The following TTC21A variants were observed in gnomAD, a reference collection of about 807,000 sequenced individuals.
The protein encoded by TTC21A is tetratricopeptide repeat domain 21A.
A neutral mutation model predicts 156.4 loss-of-function variants in TTC21A; 128 were observed. The ratio of observed to expected loss-of-function variants is 0.82; its 90% CI spans 0.71 to 0.95. TTC21A has a LOEUF of 0.95. TTC21A is among the 40% of genes least tolerant of loss of function. The probability of loss-of-function intolerance (pLI) is 0.00; values close to 1 mark genes in which losing one functional copy is unlikely to be tolerated. For synonymous variants in TTC21A, 587 were observed against 617.1 expected, an observed-to-expected ratio of 0.95 and a Z score of 0.72; for missense variants, 1,435 against 1,602.3, an observed-to-expected ratio of 0.90 and a Z score of 1.78.
rs750019978 is a variant in TTC21A, at chr3:39,111,001, C to G, written c.419C>G (p.Ser140Cys). 3 of 1,611,252 alleles carry G rather than the reference C, an allele frequency of 1.9e-6. No individual in the cohort carries two copies. The highest frequency in any genetic ancestry group is 2.2e-5 in the South Asian group (2 of 90,964). Reference sequence around the variant, plus strand: ...TACATTGACCGCATGCTGAAGATTTCTAGAGGCTTCAGAGAGGTACTTACC... The same window carrying G: ...TACATTGACCGCATGCTGAAGATTTGTAGAGGCTTCAGAGAGGTACTTACC... ...KEYIDRMLKISRGFREAYVLR... is the reference protein window; with the variant it reads ...KEYIDRMLKICRGFREAYVLR... The change falls in exon 4 of 29, where the codon TCT (serine) becomes TGT (cysteine). Residue 140 changes from serine (S) to cysteine (C), a missense_variant. By Grantham distance (112) the Ser-to-Cys change is moderately radical. Coordinates refer to ENST00000683103, the MANE Select transcript of TTC21A (RefSeq NM_001366900.1).
Position 39,134,263 on chromosome 3 carries a change from G to T in TTC21A, c.2797G>T (p.Asp933Tyr). 2 of 1,614,028 alleles carry T rather than the reference G, an allele frequency of 1.2e-6. No homozygotes were observed. Among genetic ancestry groups the T allele is most frequent in the Non-Finnish European group, 1.7e-6 (2 of 1,179,966 alleles). ...GCTCTACCTGCTCCAGGGGCACCTG[G>T]ACCTGTGTGAGCAGCACTGTGCCAT... ...AQLYLLQGHL[D>Y]LCEQHCAILL... Residue 933 changes from aspartate (D) to tyrosine (Y), a missense_variant, in exon 21 of 29, where the codon GAC (aspartate) becomes TAC (tyrosine). Physicochemically the swap from Asp to Tyr is radical, Grantham distance 160. Transcript: ENST00000683103. The surrounding 1 kb of genome is among the most constrained non-coding windows in gnomAD (Gnocchi z 4.6).
Position 39,128,508 on chromosome 3 carries a change from C to T in TTC21A, c.1680+20C>T, listed in dbSNP as rs753917950. 1 of 1,613,750 alleles carries T rather than the reference C, an allele frequency of 6.2e-7. No individual in the cohort carries two copies. Among genetic ancestry groups the T allele is most frequent in the Non-Finnish European group, 8.5e-7 (1 of 1,179,810 alleles). On this transcript the variant is annotated intron_variant, in intron 13 of 28. Transcript: ENST00000683103. ...TTCCAGGTGGGTGCCCTCTCATCCT[C>T]TCAGCATCCCAAAGCCCAGCTAGCT...
At chr3:39,116,248 G>A (rs995503594) in intron 6 of TTC21A, among the ~76,000 whole-genome samples, 14 of 152,224 alleles carry the variant, frequency 9.2e-5, no homozygotes, top group African/African-American at 3.1e-4. Flanking sequence ...TTCCCTCACT[G>A]ATTTTTAAAA....
chr3:39,119,905 C>T lies in TTC21A; in HGVS notation c.802-17C>T. 6.4e-7 allele frequency: 1 copy of T among 1,560,176 alleles called. No individual in the cohort carries two copies. Among genetic ancestry groups the T allele is most frequent in the Non-Finnish European group, 8.8e-7 (1 of 1,134,470 alleles). On this transcript the variant is annotated splice_polypyrimidine_tract_variant and intron_variant, in intron 7 of 28. Transcript: ENST00000683103. ...CTTGCACCTTGCATGTTGACATTCT[C>T]TGTTTTGTCCCTGCAGGCTACCAAT... is the stretch of plus-strand genomic sequence containing the variant.
intron 2 of TTC21A, among the ~76,000 whole-genome samples, chr3:39,109,735 C>T (rs1321174144): frequency 2.6e-5 from 4 of 152,306 alleles, no homozygotes; most frequent in Non-Finnish European, 5.9e-5. Flanking sequence ...GAATGCCCTG[C>T]CTGAGGTCCT....
intron 6 of TTC21A, among the ~76,000 whole-genome samples, chr3:39,117,697 A>G (rs1483104147): frequency 6.6e-6 from 1 of 152,164 alleles, no homozygotes; most frequent in Non-Finnish European, 1.5e-5. Context: ...AACTCTGGGG[A>G]GTCCCAGGCC....
rs560548356 is a variant in TTC21A at position 39,116,491 on chromosome 3, T to G, written c.717-1578T>G. ...ATTAATTTCTGCCCCCCCCTTTTTT[T>G]GGGGGGGAATGTCTTGCTTTGTTGC... On this transcript the variant is annotated intron_variant, in intron 6 of 28. Transcript: ENST00000683103. Among the ~76,000 whole-genome samples the G allele has an allele frequency of 1.5e-3, 232 of 152,000 alleles. 1 individual carries two copies. The highest frequency in any genetic ancestry group is 7.9e-3 in the East Asian group (41 of 5,174).
Position 39,134,416 on chromosome 3 carries a change from G to C in TTC21A, c.2862+88G>C. The C allele has an allele frequency of 1.1e-6, 1 of 938,630 alleles. No homozygotes were observed. Among genetic ancestry groups the C allele is most frequent in the Non-Finnish European group, 1.8e-6 (1 of 565,784 alleles). The allele number at this position is 938,630 out of a possible 1,614,324, so 58.1% of individuals were successfully genotyped here. On this transcript the variant is annotated intron_variant, in intron 21 of 28. Coordinates refer to ENST00000683103, the MANE Select transcript of TTC21A (RefSeq NM_001366900.1). This position sits in a 1 kb window ranked among gnomAD's most constrained non-coding sequence, Gnocchi z 4.6. ...CAGATGCAGGCTACTTCCTAGCCCC[G>C]TAACCTCAGATGCCTCACTGACACA...
Position 39,130,122 on chromosome 3 carries a change from C to T in TTC21A, c.2179C>T (p.Leu727=), listed in dbSNP as rs775014867. Residue 727 remains leucine, a synonymous_variant, in exon 16 of 29, where the codon CTG becomes TTG. Coordinates refer to ENST00000683103, the MANE Select transcript of TTC21A (RefSeq NM_001366900.1). The surrounding 1 kb of genome is among the most constrained non-coding windows in gnomAD (Gnocchi z 4.5). ...GCCTGGCCCCCACACCAGCCTGCTACTGGGCGATGCCTTAATGAGCATTCT... is the reference window on the plus strand; with the variant it reads ...GCCTGGCCCCCACACCAGCCTGCTATTGGGCGATGCCTTAATGAGCATTCT... The part of the protein sequence containing the change: ...HLPGPHTSLL[L]GDALMSILEP... The T allele has an allele frequency of 6.2e-7, 1 of 1,614,126 alleles. No homozygotes were observed. The highest frequency in any genetic ancestry group is 1.7e-4 in the Middle Eastern group (1 of 6,060).
At chr3:39,118,863 T>C (rs2125786681) in intron 7 of TTC21A, 1 of 152,360 alleles carries the variant, frequency 6.6e-6, no homozygotes. Flanking sequence ...TAAGGGGTCA[T>C]GGTGGGAAGG....
intron 27 of TTC21A, 29 bp from the exon 28 acceptor site, chr3:39,138,527 A>T: frequency 1.9e-6 from 3 of 1,614,166 alleles, no homozygotes; most frequent in Non-Finnish European, 2.5e-6. Context: ...CCAGGGTGCC[A>T]CCATCTTTGC....
At chr3:39,135,028 C>G in intron 21 of TTC21A, 65 bp from the exon 22 acceptor site, 1 of 1,405,408 alleles carries the variant, frequency 7.1e-7, no homozygotes, top group Non-Finnish European at 1.0e-6. Context: ...TACCCCCCGC[C>G]TCCCCCTACA....
rs770437448 is a variant in TTC21A at position 39,125,113 on chromosome 3, C to A, written c.1144C>A (p.Arg382=). 6.2e-7 allele frequency: 1 copy of A among 1,613,884 alleles called. No homozygotes were observed. Among genetic ancestry groups the A allele is most frequent in the South Asian group, 1.1e-5 (1 of 91,066 alleles). The change falls in exon 10 of 29, where the codon CGG becomes AGG. Residue 382 remains arginine (R), a synonymous_variant. Transcript: ENST00000683103. The part of the protein sequence containing the change: ...LEGHLEEAEY[R]LEFLKEVQKS... ...AGGCCACCTGGAGGAAGCTGAGTAC[C>A]GGCTGGAATTCCTGAAGGAGGTGCA...
At position 39,125,193 on chromosome 3, in the gene TTC21A, G is replaced by C. The variant is rs150894824; in HGVS notation, c.1191+33G>C. 231 of 1,571,062 alleles carry C rather than the reference G, an allele frequency of 1.5e-4. 1 individual carries two copies. In the African/African-American group the frequency reaches 2.7e-3, roughly 19 times the overall value. On this transcript the variant is annotated intron_variant, in intron 10 of 28. Transcript: ENST00000683103. ...CTCCCTGGGGGTATGGGTTGCTCCA[G>C]GATGATGTCCTCTGCTGTCCTCCCA...
In TTC21A at chr3:39,129,106, A is replaced by G. The variant is rs754331208; in HGVS notation, c.1931A>G (p.Asn644Ser). The change falls in exon 15 of 29, where the codon AAT becomes AGT. Residue 644 changes from asparagine (N) to serine (S), a missense_variant. Asn to Ser is a conservative substitution (Grantham distance 46, BLOSUM62 1). Coordinates refer to ENST00000683103, the MANE Select transcript of TTC21A (RefSeq NM_001366900.1). The stretch of plus-strand genomic sequence containing the variant: ...ACCAAGGTCATGCAGGACACCATCA[A>G]TGAGTTCGGTGGCACACCAGAAGAG... ...EATKVMQDTI[N>S]EFGGTPEENR... 24 of 1,614,128 alleles carry G rather than the reference A, an allele frequency of 1.5e-5. No homozygotes were observed. Among genetic ancestry groups the G allele is most frequent in the Middle Eastern group, 1.6e-4 (1 of 6,084 alleles).
In TTC21A at chr3:39,128,918, C is replaced by G; in HGVS notation, c.1882C>G (p.Leu628Val). ...ATTGGAACTGGTGGAGGCCCTCCGG[C>G]TGAATGGGGAGCTAGTAAGAAATGC... ...ILLELVEALR[L>V]NGELHEATKV... Residue 628 changes from leucine to valine, a missense_variant, in exon 14 of 29, where the codon CTG becomes GTG. Physicochemically the swap from Leu to Val is conservative, Grantham distance 32. Coordinates refer to ENST00000683103, the MANE Select transcript of TTC21A (RefSeq NM_001366900.1). The G allele has an allele frequency of 6.2e-7, 1 of 1,614,218 alleles. No individual in the cohort carries two copies. The highest frequency in any genetic ancestry group is 8.5e-7 in the Non-Finnish European group (1 of 1,180,038).
chr3:39,110,252 G>GT (rs2036696942), intron 3 of TTC21A, 113 bp downstream of exon 3: 2 of 793,636 alleles, frequency 2.5e-6, no homozygotes, highest in African/African-American at 3.4e-5. Context: ...CCTGGTGGCT[G>GT]TGCAGATGCT....
chr3:39,112,881 C>G (rs1002624780), intron 5 of TTC21A, among the ~76,000 whole-genome samples: 2 of 152,120 alleles, frequency 1.3e-5, no homozygotes, highest in African/African-American at 4.8e-5. Flanking sequence ...TTCTCTCTGC[C>G]TCTGTGTTAG....
At chr3:39,125,571 T>C in intron 11 of TTC21A, 39 bp downstream of exon 11, 1 of 1,471,446 alleles carries the variant, frequency 6.8e-7, no homozygotes, top group Non-Finnish European at 9.5e-7. Context: ...GGGTCTGGAG[T>C]ACAGGTTTGG....
Sources: gnomAD v4.1 joint callset for allele counts (sites outside exome capture counted in the v4.1 genomes callset) on GRCh38, gnomAD v4.1.1 for gene constraint, Gnocchi (gnomAD v3.1) non-coding constraint, MANE v1.5 for transcripts, NCBI Gene and HGNC (gene_info 2026-07-23, HGNC 2026-07-21) for gene names.